ANO4: variants seen among roughly 807,000 people sequenced by gnomAD.
The protein encoded by ANO4 is anoctamin-4.
A neutral mutation model predicts 141.9 loss-of-function variants in ANO4; 69 were observed. The ratio of observed to expected loss-of-function variants is 0.49; its 90% CI spans 0.40 to 0.59. The LOEUF is 0.59. Among genes scored for constraint, ANO4 ranks in the 20% least tolerant of loss-of-function variants. The pLI is 0.00. For synonymous variants in ANO4, 350 were observed against 394.3 expected, an observed-to-expected ratio of 0.89 and a Z score of 1.33; for missense variants, 894 against 1,162.2, an observed-to-expected ratio of 0.77 and a Z score of 3.36.
intron 1 of ANO4, among the ~76,000 whole-genome samples, chr12:100,876,743 G>T (rs2039328796): frequency 6.6e-6 from 1 of 152,190 alleles, no homozygotes; most frequent in Non-Finnish European, 1.5e-5. Context: ...TGGAACCTTT[G>T]TTGGAAATCA....
chr12:100,784,479 T>G (rs1317486433), intron 3 of ANO4, among the ~76,000 whole-genome samples: 1 of 152,220 alleles, frequency 6.6e-6, no homozygotes, highest in African/African-American at 2.4e-5. Flanking sequence ...AGGATATTCA[T>G]TTTCCTCTCT....
intron 15 of ANO4, among the ~76,000 whole-genome samples, chr12:101,082,679 G>T (rs2049332355): frequency 6.6e-6 from 1 of 152,218 alleles, no homozygotes; most frequent in Admixed American, 6.5e-5. Flanking sequence ...CAGGAGCCAG[G>T]CTGAGCCATG....
chr12:100,845,125 T>A (rs2037490495), intron 1 of ANO4, among the ~76,000 whole-genome samples: 1 of 152,176 alleles, frequency 6.6e-6, no homozygotes, highest in African/African-American at 2.4e-5. Context: ...GAAGTCATTG[T>A]GCTGTAAGCA....
intron 14 of ANO4, among the ~76,000 whole-genome samples, chr12:101,074,107 G>A (rs2048932503): frequency 6.6e-6 from 1 of 152,144 alleles, no homozygotes; most frequent in African/African-American, 2.4e-5. Flanking sequence ...TAGTGACCAG[G>A]TGACTTCATC....
intron 1 of ANO4, among the ~76,000 whole-genome samples, chr12:100,724,685 C>G (rs1333032047): frequency 6.6e-6 from 1 of 152,152 alleles, no homozygotes; most frequent in Non-Finnish European, 1.5e-5. Context: ...CCACTTTCTA[C>G]CTAGGACCAG....
intron 7 of ANO4, among the ~76,000 whole-genome samples, chr12:100,985,188 G>A (rs2044655125): frequency 6.6e-6 from 1 of 152,202 alleles, no homozygotes; most frequent in Non-Finnish European, 1.5e-5. Flanking sequence ...TCTTAGCTGA[G>A]GAAGTCTAAT....
chr12:100,926,073 T>C (rs1256347211), intron 3 of ANO4, among the ~76,000 whole-genome samples: 1 of 152,062 alleles, frequency 6.6e-6, no homozygotes, highest in African/African-American at 2.4e-5. Context: ...CAAGGATATA[T>C]GGTTACTATG....
chr12:101,077,851 C>T (rs915643538), intron 14 of ANO4, among the ~76,000 whole-genome samples: 4 of 152,122 alleles, frequency 2.6e-5, no homozygotes, highest in East Asian at 3.9e-4. Context: ...TTTGAATTTT[C>T]GCATTGCAGA....
intron 8 of ANO4, among the ~76,000 whole-genome samples, chr12:100,992,630 T>C (rs994771669): frequency 2.0e-5 from 3 of 152,222 alleles, no homozygotes; most frequent in Non-Finnish European, 4.4e-5. Context: ...ACAATTGAAA[T>C]GCTATAATTA....
chr12:100,751,306 G>A (rs2032364038), intron 3 of ANO4, among the ~76,000 whole-genome samples: 1 of 152,096 alleles, frequency 6.6e-6, no homozygotes, highest in Admixed American at 6.6e-5. Context: ...GGAATTCTCA[G>A]TTTGACCGCA....
At chr12:100,718,136 A>AAT (rs2030697935) in intron 1 of ANO4, among the ~76,000 whole-genome samples, 1 of 152,204 alleles carries the variant, frequency 6.6e-6, no homozygotes, top group African/African-American at 2.4e-5. Flanking sequence ...TTGTTAAATA[A>AAT]ATATATATGA....
At chr12:100,835,478 C>T (rs768442478) in intron 1 of ANO4, among the ~76,000 whole-genome samples, 12 of 152,056 alleles carry the variant, frequency 7.9e-5, no homozygotes, top group Non-Finnish European at 1.5e-4. Context: ...TTTTTCTGTC[C>T]TTGGCATCAT....
At position 101,037,027 on chromosome 12, in the gene ANO4, T is replaced by C. The variant is rs1158958207; in HGVS notation, c.842-68T>C. 4.0e-6 allele frequency: 6 copies of C among 1,483,526 alleles called. No individual in the cohort carries two copies. The East Asian group carries it at 9.0e-5, about 22-fold the overall frequency. 91.9% of individuals were successfully genotyped at this position (1,483,526 alleles called of 1,614,324 possible). On this transcript the variant is annotated intron_variant, in intron 9 of 27. Transcript: ENST00000392977. ...TTTCCTCCAAAAAGCACCACACTTA[T>C]ATTTGTTTTGAACATTGTGAGTATT...
intron 1 of ANO4, among the ~76,000 whole-genome samples, chr12:100,730,637 G>A (rs758122326): frequency 1.3e-5 from 2 of 152,150 alleles, no homozygotes; most frequent in Non-Finnish European, 2.9e-5. Flanking sequence ...TGGATAACAT[G>A]TGGGTCTTCC....
At chr12:100,925,801 GTATACATACA>G (rs2041842458) in intron 3 of ANO4, among the ~76,000 whole-genome samples, 2 of 129,092 alleles carry the variant, frequency 1.5e-5, no homozygotes, top group African/African-American at 3.0e-5. Flanking sequence ...ATATATGTGT[GTATACATACA>G]TATACATACA....
rs931920411 is a variant in ANO4 at position 100,970,684 on chromosome 12, T to G, written c.457-622T>G. ...CCCTCTCCTTCCTTCCTTCCTTCCTTCCTTCCTTCCTTCCTTCCTTCCTTC... is the reference window on the plus strand; with the variant it reads ...CCCTCTCCTTCCTTCCTTCCTTCCTGCCTTCCTTCCTTCCTTCCTTCCTTC... On this transcript the variant is annotated intron_variant, in intron 5 of 27. Coordinates refer to ENST00000392977, the MANE Select transcript of ANO4 (RefSeq NM_001286615.2). Among the ~76,000 whole-genome samples, 42 of 81,098 alleles carry G rather than the reference T, an allele frequency of 5.2e-4. 1 individual carries two copies. The highest frequency in any genetic ancestry group is 2.1e-3 in the African/African-American group (39 of 18,640). 53.2% of individuals were successfully genotyped at this position (81,098 alleles called of 152,430 possible).
At chr12:101,112,955 C>G (rs539606939) in intron 24 of ANO4, among the ~76,000 whole-genome samples, 10 of 152,188 alleles carry the variant, frequency 6.6e-5, no homozygotes, top group Non-Finnish European at 1.5e-4. Context: ...TTGCAACTAT[C>G]GTTGACATTC....
intron 2 of ANO4, chr12:100,739,807 A>C (rs1353994037): frequency 2.9e-6 from 2 of 697,742 alleles, no homozygotes; most frequent in Non-Finnish European, 5.2e-6. Context: ...TAAGCACACT[A>C]TATGGCTTTG....
intron 1 of ANO4, among the ~76,000 whole-genome samples, chr12:100,831,558 G>T (rs573030565): frequency 1.3e-5 from 2 of 152,228 alleles, no homozygotes; most frequent in South Asian, 4.1e-4. Flanking sequence ...ACAATTTGGG[G>T]AGGGCACTGG....
Sources: gnomAD v4.1 joint callset for allele counts (sites outside exome capture counted in the v4.1 genomes callset) on GRCh38, gnomAD v4.1.1 for gene constraint, MANE v1.5 for transcripts, NCBI Gene and HGNC (gene_info 2026-07-23, HGNC 2026-07-21) for gene names.